TTLL11: variants seen among roughly 807,000 people sequenced by gnomAD.
TTLL11 encodes tubulin tyrosine ligase like 11, also known as tubulin polyglutamylase TTLL11.
A neutral mutation model predicts 51.7 loss-of-function variants in TTLL11; 42 were observed. The observed-to-expected ratio is 0.81, with a 90% CI of 0.64 to 1.05. The LOEUF (loss-of-function observed/expected upper bound fraction) is 1.05. Among genes scored for constraint, TTLL11 ranks in the 50% least tolerant of loss-of-function variants. The pLI, the probability that TTLL11 is intolerant of heterozygous loss-of-function variation, is 0.00. For missense variants in TTLL11, 799 were observed against 940.4 expected, an observed-to-expected ratio of 0.85 and a Z score of 1.97; for synonymous variants, 381 against 383.5, an observed-to-expected ratio of 0.99 and a Z score of 0.08.
chr9:121,884,289 C>T (rs1289974594), intron 6 of TTLL11, among the ~76,000 whole-genome samples: 1 of 152,202 alleles, frequency 6.6e-6, no homozygotes, highest in African/African-American at 2.4e-5. Context: ...ACTTGACCGA[C>T]TCACCCGGTG....
intron 6 of TTLL11, among the ~76,000 whole-genome samples, chr9:121,933,938 C>A (rs1223247430): frequency 1.3e-5 from 2 of 152,220 alleles, no homozygotes; most frequent in East Asian, 3.9e-4. Context: ...ACATTTAAAT[C>A]CATTGGTCCA....
chr9:121,852,770 T>A (rs6478536), intron 8 of TTLL11, among the ~76,000 whole-genome samples: 2,662 of 152,306 alleles, frequency 0.017, 81 homozygotes, highest in African/African-American at 0.061. Context: ...CTGCTGGCTC[T>A]CTTGCTTTTA....
chr9:121,975,211 T>C (rs773489769), intron 4 of TTLL11, among the ~76,000 whole-genome samples: 2 of 152,196 alleles, frequency 1.3e-5, no homozygotes, highest in Non-Finnish European at 2.9e-5. Context: ...AGCACTGTCT[T>C]TGTCGTCTGA....
chr9:121,934,264 A>AAATAAATCAATCAATCAATC (rs1424864629), intron 6 of TTLL11, among the ~76,000 whole-genome samples: 9 of 151,760 alleles, frequency 5.9e-5, no homozygotes, highest in African/African-American at 1.9e-4. Context: ...ATAAATAAAT[A>AAATAAATCAATCAATCAATC]AATCCATTCG....
chr9:121,881,799 T>G (rs1299505963), intron 6 of TTLL11, among the ~76,000 whole-genome samples: 1 of 152,218 alleles, frequency 6.6e-6, no homozygotes, highest in African/African-American at 2.4e-5. Context: ...GGAATCACTC[T>G]TAGTGAGCCC....
chr9:121,824,990 G>T (rs1472200066), intron 8 of TTLL11, among the ~76,000 whole-genome samples: 2 of 152,164 alleles, frequency 1.3e-5, no homozygotes, highest in African/African-American at 2.4e-5. Context: ...GGGTTCTTTT[G>T]ACTGCAGACA....
At chr9:122,063,521 T>C (rs1037253423) in intron 1 of TTLL11, among the ~76,000 whole-genome samples, 4 of 152,146 alleles carry the variant, frequency 2.6e-5, no homozygotes, top group African/African-American at 9.7e-5. Context: ...TATTATTGAG[T>C]TCAAAAATGG....
chr9:122,041,893 T>C (rs1302295766), intron 1 of TTLL11, among the ~76,000 whole-genome samples: 1 of 150,058 alleles, frequency 6.7e-6, no homozygotes. Context: ...AAAATCCCAA[T>C]AACTTTTTTT....
At chr9:121,950,207 C>T (rs184417977) in intron 6 of TTLL11, among the ~76,000 whole-genome samples, 2 of 152,226 alleles carry the variant, frequency 1.3e-5, no homozygotes, top group East Asian at 3.9e-4. Flanking sequence ...CTCTGCACCC[C>T]GTATCACCGC....
At chr9:121,980,690 G>T (rs991664850) in intron 4 of TTLL11, among the ~76,000 whole-genome samples, 1 of 152,208 alleles carries the variant, frequency 6.6e-6, no homozygotes, top group Non-Finnish European at 1.5e-5. Context: ...AAATCATGCT[G>T]CTATAAAGAC....
At chr9:121,952,743 C>A (rs1463032210) in intron 6 of TTLL11, among the ~76,000 whole-genome samples, 1 of 152,162 alleles carries the variant, frequency 6.6e-6, no homozygotes, top group Non-Finnish European at 1.5e-5. Flanking sequence ...CTCATTCCTG[C>A]TGCCCTCCAG....
chr9:121,822,482 C>A lies in TTLL11; in HGVS notation c.*105G>T. 2.6e-6 allele frequency: 3 copies of A among 1,155,222 alleles called. No homozygotes were observed. 71.6% of individuals were successfully genotyped at this position (1,155,222 alleles called of 1,614,324 possible). On this transcript the variant is annotated 3_prime_UTR_variant, in exon 9 of 9. Coordinates refer to ENST00000321582, the MANE Select transcript of TTLL11 (RefSeq NM_001139442.2). The surrounding 1 kb of genome is among the most constrained non-coding windows in gnomAD (Gnocchi z 5.8). ...ACAGTTCGTGGGGACCTCAGCTGGG[C>A]CCCTCGGCAGCCTGCCTGCCATTCC...
intron 6 of TTLL11, among the ~76,000 whole-genome samples, chr9:121,938,058 G>A (rs369450857): frequency 6.6e-6 from 1 of 152,142 alleles, no homozygotes; most frequent in African/African-American, 2.4e-5. Context: ...GGGAGACCAA[G>A]GCGGGTGGAT....
intron 6 of TTLL11, among the ~76,000 whole-genome samples, chr9:121,966,352 C>T (rs1842398396): frequency 6.6e-6 from 1 of 152,198 alleles, no homozygotes; most frequent in African/African-American, 2.4e-5. Context: ...TTTCTCCAAG[C>T]CTGTCTCTGT....
intron 6 of TTLL11, among the ~76,000 whole-genome samples, chr9:121,892,274 T>C (rs1839273431): frequency 6.6e-6 from 1 of 151,420 alleles, no homozygotes; most frequent in Non-Finnish European, 1.5e-5. Flanking sequence ...TGGAAACTCT[T>C]ACTGGGAAAC....
At chr9:121,864,547 C>A (rs143978010) in intron 7 of TTLL11, among the ~76,000 whole-genome samples, 1 of 152,148 alleles carries the variant, frequency 6.6e-6, no homozygotes, top group African/African-American at 2.4e-5. Context: ...AAGCTCTCTG[C>A]GTCTACATTA....
At chr9:121,931,769 C>T (rs574820894) in intron 6 of TTLL11, among the ~76,000 whole-genome samples, 56 of 152,186 alleles carry the variant, frequency 3.7e-4, no homozygotes, top group African/African-American at 1.3e-3. Flanking sequence ...TCCTGACACC[C>T]TGGGTTGCCT....
intron 1 of TTLL11, among the ~76,000 whole-genome samples, chr9:122,084,359 A>G (rs1231893637): frequency 6.6e-6 from 1 of 152,218 alleles, no homozygotes; most frequent in East Asian, 1.9e-4. Context: ...ATAATGGTTC[A>G]GAAACACCCA....
At chr9:121,862,389 T>C (rs751939927) in intron 7 of TTLL11, among the ~76,000 whole-genome samples, 7 of 152,164 alleles carry the variant, frequency 4.6e-5, no homozygotes, top group African/African-American at 1.7e-4. Flanking sequence ...TGTGAGTACA[T>C]GCCAAGAACC....
Sources: allele counts gnomAD v4.1 joint callset (sites outside exome capture counted in the v4.1 genomes callset), GRCh38; gene constraint gnomAD v4.1.1; non-coding constraint Gnocchi (gnomAD v3.1); transcripts MANE v1.5; gene names NCBI Gene and HGNC (gene_info 2026-07-23, HGNC 2026-07-21).